BRMS1L: variants seen among roughly 807,000 people sequenced by gnomAD.
BRMS1L encodes BRMS1 like transcriptional repressor.
In BRMS1L, 23 loss-of-function variants were observed where a neutral mutation model predicts 50.3. That is an observed-to-expected ratio of 0.46 (90% confidence interval 0.33 to 0.65). The LOEUF is 0.65. BRMS1L is among the 30% of genes least tolerant of loss of function. The pLI, the probability that BRMS1L is intolerant of heterozygous loss-of-function variation, is 0.02. For missense variants in BRMS1L, 286 were observed against 386.1 expected, an observed-to-expected ratio of 0.74 and a Z score of 2.17; for synonymous variants, 114 against 126.9, an observed-to-expected ratio of 0.90 and a Z score of 0.69.
At chr14:35,832,189 T>G (rs1427956414) in intron 2 of BRMS1L, among the ~76,000 whole-genome samples, 1 of 152,036 alleles carries the variant, frequency 6.6e-6, no homozygotes, top group African/African-American at 2.4e-5. Flanking sequence ...TTAGTCTACT[T>G]CCTCTTTGCT....
chr14:35,852,901 G>T (rs181416537), intron 4 of BRMS1L, among the ~76,000 whole-genome samples: 1 of 151,920 alleles, frequency 6.6e-6, no homozygotes, highest in Non-Finnish European at 1.5e-5. Context: ...ACTGCTGTCC[G>T]GCCTGGGCGA....
chr14:35,859,223 C>T (rs1397155146), intron 4 of BRMS1L, among the ~76,000 whole-genome samples: 3 of 152,038 alleles, frequency 2.0e-5, no homozygotes, highest in East Asian at 1.9e-4. Context: ...GGAGTATAGG[C>T]GTGAGCCACC....
intron 4 of BRMS1L, among the ~76,000 whole-genome samples, chr14:35,851,578 A>C (rs1200068542): frequency 1.3e-5 from 2 of 152,206 alleles, no homozygotes; most frequent in Non-Finnish European, 2.9e-5. Context: ...TTCTTTTAAG[A>C]ATTCCTTGGC....
At chr14:35,838,700 T>C (rs2078024126) in intron 4 of BRMS1L, among the ~76,000 whole-genome samples, 1 of 152,292 alleles carries the variant, frequency 6.6e-6, no homozygotes, top group East Asian at 1.9e-4. Flanking sequence ...TCATATCCTT[T>C]GCCCACTTTT....
At chr14:35,851,712 A>G (rs1445958609) in intron 4 of BRMS1L, among the ~76,000 whole-genome samples, 1 of 152,218 alleles carries the variant, frequency 6.6e-6, no homozygotes, top group Non-Finnish European at 1.5e-5. Flanking sequence ...GGGAATGTCA[A>G]TTGGTGCAGC....
At chr14:35,830,739 G>A (rs1043510062) in intron 1 of BRMS1L, among the ~76,000 whole-genome samples, 6 of 152,118 alleles carry the variant, frequency 3.9e-5, no homozygotes, top group Non-Finnish European at 1.5e-5. Context: ...TTTGAGCAAT[G>A]TTAGCCTTTA....
At chr14:35,828,856 A>G (rs375074070) in intron 1 of BRMS1L, among the ~76,000 whole-genome samples, 28 of 152,204 alleles carry the variant, frequency 1.8e-4, no homozygotes, top group East Asian at 1.2e-3. Flanking sequence ...GGGGAGAATA[A>G]TTTGTAAGTC....
rs1470538474 is a variant in BRMS1L, at chr14:35,828,032, A to C, written c.142+1374A>C. Among the ~76,000 whole-genome samples the C allele has an allele frequency of 2.0e-5, 3 of 152,344 alleles. No individual in the cohort carries two copies. The East Asian group carries it at 5.8e-4, about 29-fold the overall frequency. ...GATTTCAAAGAAAGCACAAAACAGG[A>C]TTGATGAATGCAAGTTTAGGATTGA... On this transcript the variant is annotated intron_variant, in intron 1 of 9. Transcript: ENST00000216807.
At chr14:35,847,606 T>G (rs370120002) in intron 4 of BRMS1L, among the ~76,000 whole-genome samples, 15 of 152,330 alleles carry the variant, frequency 9.8e-5, no homozygotes, top group African/African-American at 3.4e-4. Context: ...AGGCCAAAGG[T>G]ACTAATGATG....
intron 7 of BRMS1L, among the ~76,000 whole-genome samples, chr14:35,865,361 C>T (rs540619899): frequency 5.9e-5 from 9 of 152,294 alleles, no homozygotes; most frequent in South Asian, 4.1e-4. Context: ...AACAAAAGAA[C>T]ATTTGAACCC....
intron 4 of BRMS1L, among the ~76,000 whole-genome samples, chr14:35,838,616 A>G (rs548680897): frequency 5.3e-5 from 8 of 152,310 alleles, no homozygotes; most frequent in Non-Finnish European, 1.2e-4. Flanking sequence ...GCATGTCTCT[A>G]ATGACCAGTG....
intron 5 of BRMS1L, among the ~76,000 whole-genome samples, chr14:35,863,308 G>A (rs1393191134): frequency 6.6e-6 from 1 of 152,126 alleles, no homozygotes; most frequent in Non-Finnish European, 1.5e-5. Flanking sequence ...TGTGAAATTG[G>A]CTTTTTCAGG....
intron 4 of BRMS1L, among the ~76,000 whole-genome samples, chr14:35,838,773 C>G (rs1194342028): frequency 3.9e-5 from 6 of 152,024 alleles, no homozygotes; most frequent in Admixed American, 3.9e-4. Flanking sequence ...GATATTAGCC[C>G]TTTGTCAGAT....
chr14:35,836,756 G>A (rs1207767391), intron 4 of BRMS1L, among the ~76,000 whole-genome samples: 2 of 152,196 alleles, frequency 1.3e-5, no homozygotes, highest in African/African-American at 2.4e-5. Context: ...ATGGTATAAA[G>A]TATGGTTCTA....
In BRMS1L at chr14:35,868,082, C is replaced by T. The variant is rs749951733; in HGVS notation, c.854+50C>T. On this transcript the variant is annotated intron_variant, in intron 9 of 9. Coordinates refer to ENST00000216807, the MANE Select transcript of BRMS1L (RefSeq NM_032352.4). The stretch of plus-strand genomic sequence containing the variant: ...TGTTGCTCAGTATTGTCATTTACAA[C>T]ATCGTTGTCAGTGAAATATTTCCTG... The T allele has an allele frequency of 3.3e-6, 5 of 1,514,608 alleles. No individual in the cohort carries two copies. In the East Asian group the frequency reaches 1.2e-4, roughly 35 times the overall value. The allele number at this position is 1,514,608 out of a possible 1,614,324, so 93.8% of individuals were successfully genotyped here.
chr14:35,850,069 G>A (rs1279113041), intron 4 of BRMS1L, among the ~76,000 whole-genome samples: 7 of 152,024 alleles, frequency 4.6e-5, no homozygotes, highest in African/African-American at 1.2e-4. Flanking sequence ...TGATCCACCC[G>A]CCTCGGCCTC....
At chr14:35,828,471 CTTTTT>C (rs780984053) in intron 1 of BRMS1L, among the ~76,000 whole-genome samples, 1 of 99,276 alleles carries the variant, frequency 1.0e-5, no homozygotes, top group Non-Finnish European at 2.0e-5. Flanking sequence ...CATTCCCAGC[CTTTTT>C]TTTTTTTTTT....
chr14:35,866,241 GGT>G (rs1490175290), intron 8 of BRMS1L, among the ~76,000 whole-genome samples: 3 of 151,864 alleles, frequency 2.0e-5, no homozygotes, highest in African/African-American at 7.3e-5. Context: ...AAAATGTGAT[GGT>G]GTTTAGGATA....
At chr14:35,849,319 G>T (rs1037468898) in intron 4 of BRMS1L, among the ~76,000 whole-genome samples, 10 of 152,208 alleles carry the variant, frequency 6.6e-5, no homozygotes, top group Middle Eastern at 3.4e-3. Flanking sequence ...AGACAGTCTT[G>T]TTCTGTTGCC....
Sources: allele counts gnomAD v4.1 joint callset (sites outside exome capture counted in the v4.1 genomes callset), GRCh38; gene constraint gnomAD v4.1.1; transcripts MANE v1.5; gene names NCBI Gene and HGNC (gene_info 2026-07-23, HGNC 2026-07-21).